SLCO1A2: variants seen among roughly 807,000 people sequenced by gnomAD.
The protein encoded by SLCO1A2 is solute carrier organic anion transporter family member 1A2, also known as OATP-1.
SLCO1A2 carries 67 observed loss-of-function variants against 69.0 expected under a neutral mutation model. The ratio of observed to expected loss-of-function variants is 0.97; its 90% CI spans 0.80 to 1.19. The LOEUF (loss-of-function observed/expected upper bound fraction) is 1.19, where lower values mean the gene tolerates loss of function less well. Among genes scored for constraint, SLCO1A2 ranks in the 50% most tolerant of loss-of-function variants. SLCO1A2 has a pLI of 0.00. For synonymous variants in SLCO1A2, 260 were observed against 265.9 expected (o/e 0.98, Z 0.22); for missense variants, 787 against 793.7 (o/e 0.99, Z 0.10).
intron 2 of SLCO1A2, among the ~76,000 whole-genome samples, chr12:21,329,221 A>T (rs1300536654): frequency 6.6e-6 from 1 of 152,214 alleles, no homozygotes; most frequent in East Asian, 1.9e-4. Flanking sequence ...ATATTGATCT[A>T]CAAAATGGAA....
At chr12:21,362,542 C>A (rs918693652) in intron 2 of SLCO1A2, among the ~76,000 whole-genome samples, 1 of 152,166 alleles carries the variant, frequency 6.6e-6, no homozygotes, top group African/African-American at 2.4e-5. Flanking sequence ...AAAATTCACA[C>A]ATAACAATAT....
intron 2 of SLCO1A2, among the ~76,000 whole-genome samples, chr12:21,371,620 C>T (rs532495853): frequency 2.0e-5 from 3 of 152,244 alleles, no homozygotes; most frequent in South Asian, 4.1e-4. Context: ...CACAGGCATG[C>T]ACATTTTCAC....
rs963016356 is a variant in SLCO1A2, at chr12:21,266,567, A to C, written c.*2981T>G. 93 of 152,176 alleles carry C rather than the reference A, an allele frequency of 6.1e-4. No individual in the cohort carries two copies. Among genetic ancestry groups the C allele is most frequent in the African/African-American group, 2.1e-3 (86 of 41,534 alleles). The allele number at this position is 152,176 out of a possible 1,614,324, so 9.4% of individuals were successfully genotyped here. A position where few individuals can be genotyped will look rare whatever the true frequency, so the allele number is the denominator to read the frequency against. On this transcript the variant is annotated 3_prime_UTR_variant, in exon 15 of 15. Transcript: ENST00000683939. ...GATTCTGATGGCACTATTTCCACCC[A>C]CAGAAGTCATTCTGGTTCTGTCTCC...
At chr12:21,341,969 G>A (rs1423759261) in intron 2 of SLCO1A2, among the ~76,000 whole-genome samples, 1 of 151,968 alleles carries the variant, frequency 6.6e-6, no homozygotes, top group Admixed American at 6.6e-5. Flanking sequence ...TAATCGATGA[G>A]CATGTGCATA....
chr12:21,301,230 CCAAT>C lies in SLCO1A2; in HGVS notation c.625_628del (p.Ile209AspfsTer18), dbSNP rs1333587036. The C allele has an allele frequency of 1.2e-6, 2 of 1,612,452 alleles. No individual in the cohort carries two copies. Among genetic ancestry groups the C allele is most frequent in the Non-Finnish European group, 1.7e-6 (2 of 1,179,384 alleles). ...TGCACAGAATGATGCCAACAAAAGT[CCAAT>C]CAAAGGACCAATAATAGCTCCTGTT... On this transcript the variant is annotated frameshift_variant, in exon 7 of 15. Coordinates refer to ENST00000683939, the MANE Select transcript of SLCO1A2 (RefSeq NM_001386879.1). LOFTEE classifies it high-confidence loss of function.
At chr12:21,342,258 C>G (rs1953093710) in intron 2 of SLCO1A2, among the ~76,000 whole-genome samples, 1 of 151,860 alleles carries the variant, frequency 6.6e-6, no homozygotes, top group Non-Finnish European at 1.5e-5. Flanking sequence ...TTACCTACTA[C>G]CTCATGTTAT....
At chr12:21,396,114 G>A (rs1163400693), upstream of SLCO1A2, among the ~76,000 whole-genome samples, 1 of 151,890 alleles carries the variant, frequency 6.6e-6, no homozygotes, top group Non-Finnish European at 1.5e-5. Flanking sequence ...CAAAGAAGTT[G>A]AAAACTCTGA....
chr12:21,395,410 T>A (rs1261504481), exon 1 of SLCO1A2: 1 of 153,308 alleles, frequency 6.5e-6, no homozygotes, highest in African/African-American at 2.4e-5. Flanking sequence ...CACAGCAGTC[T>A]GAGATCAAAC....
Position 21,267,080 on chromosome 12 carries a change from C to A in SLCO1A2, c.*2468G>T, listed in dbSNP as rs1405539646. On this transcript the variant is annotated 3_prime_UTR_variant, in exon 15 of 15. Coordinates refer to ENST00000683939, the MANE Select transcript of SLCO1A2 (RefSeq NM_001386879.1). ...AGTGCTCAGAATAAGAACTAAACTC[C>A]CAGGCTTCATGTATACCAACAAAAG... 1 of 151,930 alleles carries A rather than the reference C, an allele frequency of 6.6e-6. No individual in the cohort carries two copies. The highest frequency in any genetic ancestry group is 1.5e-5 in the Non-Finnish European group (1 of 67,976). The allele number at this position is 151,930 out of a possible 1,614,324, so 9.4% of individuals were successfully genotyped here. A position where few individuals can be genotyped will look rare whatever the true frequency, so the allele number is the denominator to read the frequency against.
chr12:21,298,055 G>C (rs1295712278), intron 8 of SLCO1A2, among the ~76,000 whole-genome samples: 1 of 152,096 alleles, frequency 6.6e-6, no homozygotes, highest in Non-Finnish European at 1.5e-5. Flanking sequence ...AGATGTGTGG[G>C]AATTAATGAG....
intron 2 of SLCO1A2, among the ~76,000 whole-genome samples, chr12:21,370,445 C>T (rs950325422): frequency 5.3e-5 from 8 of 151,342 alleles, no homozygotes; most frequent in Admixed American, 3.9e-4. Context: ...CGTCATTTAA[C>T]ATTAGGTATA....
At chr12:21,416,361 C>T (rs1941988554) in intron 1 of SLCO1A2, among the ~76,000 whole-genome samples, 1 of 149,814 alleles carries the variant, frequency 6.7e-6, no homozygotes, top group Admixed American at 6.7e-5. Flanking sequence ...CTCGGGCACA[C>T]ACACACACAC....
In SLCO1A2 at chr12:21,276,098, T is replaced by C. The variant is rs541557366; in HGVS notation, c.1611-674A>G. On this transcript the variant is annotated intron_variant, in intron 12 of 14. Coordinates refer to ENST00000683939, the MANE Select transcript of SLCO1A2 (RefSeq NM_001386879.1). ...TACAGTTAAATAAATCTTGGAGGTT[T>C]TAATTTATGCTATAAGAGAATTTTA... Among the ~76,000 whole-genome samples the C allele has an allele frequency of 7.9e-4, 120 of 152,292 alleles. 2 individuals carry two copies. The South Asian group carries it at 0.024, about 31-fold the overall frequency.
At chr12:21,378,486 C>A in intron 1 of SLCO1A2, 1 of 1,387,988 alleles carries the variant, frequency 7.2e-7, no homozygotes, top group African/African-American at 1.4e-5. Context: ...TATAATTTAA[C>A]AGTGCCCTTT....
At chr12:21,356,082 A>C (rs950038840) in intron 2 of SLCO1A2, among the ~76,000 whole-genome samples, 1 of 152,092 alleles carries the variant, frequency 6.6e-6, no homozygotes, top group Non-Finnish European at 1.5e-5. Context: ...ATAGAGAAAA[A>C]AATTCAAGAA....
chr12:21,360,886 A>G (rs954789439), intron 2 of SLCO1A2, among the ~76,000 whole-genome samples: 2 of 152,158 alleles, frequency 1.3e-5, no homozygotes, highest in African/African-American at 4.8e-5. Context: ...CAAAGCAGCT[A>G]GGAACTCGAA....
intron 1 of SLCO1A2, chr12:21,376,342 AT>A: frequency 5.5e-6 from 2 of 360,476 alleles, no homozygotes; most frequent in Non-Finnish European, 5.7e-6. Flanking sequence ...CCAAATTCCA[AT>A]TTTTACTGTT....
intron 1 of SLCO1A2, among the ~76,000 whole-genome samples, chr12:21,401,486 CA>C (rs1451446413): frequency 6.6e-6 from 1 of 151,516 alleles, no homozygotes; most frequent in Non-Finnish European, 1.5e-5. Flanking sequence ...CTTACTGGAC[CA>C]AAAAACCTCC....
At chr12:21,415,242 G>C (rs1312407914) in intron 1 of SLCO1A2, among the ~76,000 whole-genome samples, 1 of 151,748 alleles carries the variant, frequency 6.6e-6, no homozygotes, top group African/African-American at 2.4e-5. Flanking sequence ...TCCCCTTAAT[G>C]AGACCAGAAC....
Sources: gnomAD v4.1 joint callset for allele counts (sites outside exome capture counted in the v4.1 genomes callset) on GRCh38, gnomAD v4.1.1 for gene constraint, MANE v1.5 for transcripts, NCBI Gene and HGNC (gene_info 2026-07-23, HGNC 2026-07-21) for gene names.